The following SLC24A2 variants were observed in gnomAD, a reference collection of about 807,000 sequenced individuals.
SLC24A2 encodes the protein sodium/potassium/calcium exchanger 2.
Under a neutral mutation model 62.0 loss-of-function variants are expected in SLC24A2, and 36 were observed. The ratio of observed to expected loss-of-function variants is 0.58; its 90% CI spans 0.44 to 0.77. The LOEUF is 0.77. Among genes scored for constraint, SLC24A2 ranks in the 30% least tolerant of loss-of-function variants. SLC24A2 has a pLI of 0.00. For missense variants in SLC24A2, 846 were observed against 817.9 expected (o/e 1.03, Z -0.42); for synonymous variants, 358 against 294.0 (o/e 1.22, Z -2.23).
intron 8 of SLC24A2, among the ~76,000 whole-genome samples, chr9:19,533,580 G>C (rs1833809167): frequency 6.6e-6 from 1 of 152,206 alleles, no homozygotes; most frequent in Non-Finnish European, 1.5e-5. Context: ...ACTAAGTCCA[G>C]GCTAGCCTGC....
the SLC24A2 span, among the ~76,000 whole-genome samples, chr9:19,810,136 GA>G: frequency 2.0e-5 from 3 of 152,150 alleles, no homozygotes; most frequent in Non-Finnish European, 2.9e-5. Flanking sequence ...GTGGTATACT[GA>G]AGTCTAAAAG....
At chr9:19,998,445 T>G in the SLC24A2 span, among the ~76,000 whole-genome samples, 1 of 152,224 alleles carries the variant, frequency 6.6e-6, no homozygotes, top group Non-Finnish European at 1.5e-5. Context: ...AGAGCCACAT[T>G]CATTCATTGT....
chr9:19,787,401 A>G (rs1564102080), intron 1 of SLC24A2, among the ~76,000 whole-genome samples: 1 of 152,248 alleles, frequency 6.6e-6, no homozygotes, highest in Non-Finnish European at 1.5e-5. Flanking sequence ...TTCCAGTGCT[A>G]TAAAGGTACC....
At chr9:20,289,807 G>A in the SLC24A2 span, among the ~76,000 whole-genome samples, 2,184 of 152,264 alleles carry the variant, frequency 0.014, 59 homozygotes, top group African/African-American at 0.046. Flanking sequence ...AACTAGCAGG[G>A]TTGATTTTCC....
chr9:20,042,583 C>T, the SLC24A2 span, among the ~76,000 whole-genome samples: 7 of 152,192 alleles, frequency 4.6e-5, no homozygotes. Flanking sequence ...GGCCTTATTG[C>T]TAAGGGACAT....
chr9:19,570,120 CATATT>C (rs1424824636), intron 7 of SLC24A2, among the ~76,000 whole-genome samples: 1 of 152,214 alleles, frequency 6.6e-6, no homozygotes, highest in Non-Finnish European at 1.5e-5. Context: ...TTGTCTGACA[CATATT>C]AGGTAAACAA....
the SLC24A2 span, among the ~76,000 whole-genome samples, chr9:20,306,402 G>C: frequency 5.5e-4 from 84 of 152,374 alleles, no homozygotes; most frequent in Middle Eastern, 0.014. Context: ...GCAAATGTAA[G>C]ATGCTGAGCC....
At chr9:19,535,740 G>A (rs1404023182) in intron 8 of SLC24A2, among the ~76,000 whole-genome samples, 2 of 152,142 alleles carry the variant, frequency 1.3e-5, no homozygotes, top group African/African-American at 4.8e-5. Flanking sequence ...GTACCATGCT[G>A]TTTTGGTTAC....
intron 2 of SLC24A2, among the ~76,000 whole-genome samples, chr9:19,706,468 C>T (rs939047760): frequency 6.6e-6 from 1 of 151,468 alleles, no homozygotes; most frequent in African/African-American, 2.4e-5. Flanking sequence ...CAAGCTCCGC[C>T]TCCCGGGTTC....
At chr9:19,672,760 T>A (rs1252162553) in intron 2 of SLC24A2, among the ~76,000 whole-genome samples, 1 of 146,544 alleles carries the variant, frequency 6.8e-6, no homozygotes, top group East Asian at 1.9e-4. Flanking sequence ...TTCAAAGAAT[T>A]TTTTAATATC....
the SLC24A2 span, among the ~76,000 whole-genome samples, chr9:20,057,273 T>C: frequency 3.3e-5 from 5 of 152,226 alleles, no homozygotes; most frequent in African/African-American, 1.2e-4. Context: ...TATTAAATAA[T>C]TCTTTCTAAA....
At chr9:19,820,068 T>TAC in the SLC24A2 span, among the ~76,000 whole-genome samples, 5 of 127,758 alleles carry the variant, frequency 3.9e-5, no homozygotes, top group African/African-American at 1.2e-4. Flanking sequence ...CATATATATA[T>TAC]ATATATATAT....
At chr9:19,676,559 T>C (rs1382233488) in intron 2 of SLC24A2, among the ~76,000 whole-genome samples, 1 of 152,174 alleles carries the variant, frequency 6.6e-6, no homozygotes, top group Non-Finnish European at 1.5e-5. Flanking sequence ...GCACTTTTTT[T>C]CCACATGTGT....
intron 4 of SLC24A2, among the ~76,000 whole-genome samples, chr9:19,604,466 A>G (rs1836929629): frequency 6.6e-6 from 1 of 152,228 alleles, no homozygotes; most frequent in Non-Finnish European, 1.5e-5. Flanking sequence ...CCTGGATCCC[A>G]TCTTGTGGCC....
At chr9:19,626,541 G>T (rs796420279) in intron 2 of SLC24A2, among the ~76,000 whole-genome samples, 7 of 152,196 alleles carry the variant, frequency 4.6e-5, no homozygotes, top group African/African-American at 1.7e-4. Context: ...TGCAAAATGG[G>T]CCTAAAATGC....
At chr9:19,584,556 C>T (rs1446727980) in intron 5 of SLC24A2, among the ~76,000 whole-genome samples, 1 of 152,094 alleles carries the variant, frequency 6.6e-6, no homozygotes, top group Non-Finnish European at 1.5e-5. Context: ...TTTTATTCTA[C>T]CAACTATCTT....
At position 19,535,903 on chromosome 9, in the gene SLC24A2, A is replaced by C. The variant is rs569604547; in HGVS notation, c.1480-7765T>G. 7.2e-5 allele frequency among the ~76,000 whole-genome samples: 11 copies of C among 152,172 alleles called. No individual in the cohort carries two copies. In the South Asian group the frequency reaches 2.3e-3, roughly 32 times the overall value. ...GAAAGTCAGTGGTAGCTTGATGGGG[A>C]CAGCATTGAATCTATAAATTACTTT... On this transcript the variant is annotated intron_variant, in intron 8 of 10. Coordinates refer to ENST00000341998, the MANE Select transcript of SLC24A2 (RefSeq NM_020344.4).
chr9:20,158,783 CAA>C, the SLC24A2 span, among the ~76,000 whole-genome samples: 5 of 151,512 alleles, frequency 3.3e-5, no homozygotes, highest in South Asian at 6.2e-4. Flanking sequence ...AAAGGAAAAA[CAA>C]AATTATGGAG....
intron 2 of SLC24A2, among the ~76,000 whole-genome samples, chr9:19,708,777 A>T (rs942685360): frequency 6.6e-6 from 1 of 152,228 alleles, no homozygotes; most frequent in African/African-American, 2.4e-5. Context: ...AAAGACTTAC[A>T]TGTTAGACCT....
Sources: gnomAD v4.1 joint callset for allele counts (sites outside exome capture counted in the v4.1 genomes callset) on GRCh38, gnomAD v4.1.1 for gene constraint, MANE v1.5 for transcripts, NCBI Gene and HGNC (gene_info 2026-07-23, HGNC 2026-07-21) for gene names.